CSMD1: variants seen among roughly 807,000 people sequenced by gnomAD.
CSMD1 encodes the protein CUB and sushi domain-containing protein 1.
A neutral mutation model predicts 417.5 loss-of-function variants in CSMD1; 213 were observed. The observed-to-expected ratio is 0.51, with a 90% CI of 0.46 to 0.57. CSMD1 has a LOEUF of 0.57. Among genes scored for constraint, CSMD1 ranks in the 20% least tolerant of loss-of-function variants. The pLI, the probability that CSMD1 is intolerant of heterozygous loss-of-function variation, is 0.00. For synonymous variants in CSMD1, 2,862 were observed against 1,736.8 expected (o/e 1.65, Z -16.11); for missense variants, 6,923 against 4,529.7 (o/e 1.53, Z -15.17).
chr8:4,908,613 C>CTT (rs34394703), intron 1 of CSMD1, among the ~76,000 whole-genome samples: 37,858 of 151,728 alleles, frequency 0.25, 5,271 homozygotes, highest in East Asian at 0.53. Flanking sequence ...AGTCAAGCTC[C>CTT]GAGTCTTTTC....
At position 4,031,942 on chromosome 8, in the gene CSMD1, A is replaced by G. The variant is rs752726419; in HGVS notation, c.573T>C (p.Asn191=). The G allele has an allele frequency of 1.5e-5, 25 of 1,613,866 alleles. No individual in the cohort carries two copies. The highest frequency in any genetic ancestry group is 2.0e-5 in the Non-Finnish European group (24 of 1,179,846). ...GAGCTGGGAAGTCCCACGATGCACCATTTCCTGGGCTGACGATGCAGGTCA... is the reference window on the plus strand; with the variant it reads ...GAGCTGGGAAGTCCCACGATGCACCGTTTCCTGGGCTGACGATGCAGGTCA... ...AILTCIVSPG[N]GASWDFPAPF... Residue 191 remains asparagine (N), a synonymous_variant, in exon 4 of 70, where the codon AAT becomes AAC. Coordinates refer to ENST00000635120, the MANE Select transcript of CSMD1 (RefSeq NM_033225.6).
chr8:4,692,965 G>A (rs1321817716), intron 1 of CSMD1, among the ~76,000 whole-genome samples: 2 of 152,280 alleles, frequency 1.3e-5, no homozygotes, highest in Admixed American at 6.5e-5. Flanking sequence ...GAGGTCACCT[G>A]CCTTATTTCT....
In CSMD1 at chr8:4,837,835, G is replaced by C. The variant is rs1333319249; in HGVS notation, c.85+156497C>G. ...CCCCATGATGCACTTATTTGATATA[G>C]CATGCCTATATCAAAACATTTCATG... On this transcript the variant is annotated intron_variant, in intron 1 of 69. Coordinates refer to ENST00000635120, the MANE Select transcript of CSMD1 (RefSeq NM_033225.6). Among the ~76,000 whole-genome samples the C allele has an allele frequency of 4.2e-4, 64 of 151,918 alleles. 1 individual carries two copies. The highest frequency in any genetic ancestry group is 1.5e-5 in the Non-Finnish European group (1 of 68,004).
chr8:3,772,356 TATATATAC>T (rs200877717), intron 5 of CSMD1, among the ~76,000 whole-genome samples: 961 of 87,152 alleles, frequency 0.011, 255 homozygotes, highest in African/African-American at 0.033. Flanking sequence ...TACATATATT[TATATATAC>T]ATATATACAT....
At chr8:4,154,008 C>T (rs76946142) in intron 3 of CSMD1, among the ~76,000 whole-genome samples, 1 of 152,148 alleles carries the variant, frequency 6.6e-6, no homozygotes, top group Non-Finnish European at 1.5e-5. Flanking sequence ...GCTTTCCATC[C>T]TCATTTTGCA....
intron 6 of CSMD1, among the ~76,000 whole-genome samples, chr8:3,752,089 C>T (rs1797370393): frequency 1.3e-5 from 2 of 152,082 alleles, no homozygotes; most frequent in South Asian, 4.2e-4. Flanking sequence ...CCTGGGTGTG[C>T]ACCCACCTCC....
At chr8:4,198,319 A>C (rs1037499418) in intron 3 of CSMD1, among the ~76,000 whole-genome samples, 1 of 152,240 alleles carries the variant, frequency 6.6e-6, no homozygotes, top group Non-Finnish European at 1.5e-5. Flanking sequence ...GGCAAGCCCG[A>C]CAAGAGTACG....
chr8:4,886,027 G>A (rs1803716924), intron 1 of CSMD1, among the ~76,000 whole-genome samples: 1 of 151,954 alleles, frequency 6.6e-6, no homozygotes, highest in South Asian at 2.1e-4. Context: ...GTCTCCCTCT[G>A]TTGTCCAGGC....
intron 3 of CSMD1, among the ~76,000 whole-genome samples, chr8:4,304,964 C>G (rs1798166039): frequency 6.6e-6 from 1 of 152,140 alleles, no homozygotes; most frequent in South Asian, 2.1e-4. Context: ...ATTTGCTACA[C>G]TAACGTCTGG....
chr8:2,977,306 T>C (rs1187130385), intron 55 of CSMD1, among the ~76,000 whole-genome samples: 1 of 152,174 alleles, frequency 6.6e-6, no homozygotes, highest in African/African-American at 2.4e-5. Flanking sequence ...GTCCTCTCCC[T>C]GTGTCTATGT....
chr8:4,592,526 A>G (rs1800043560), intron 2 of CSMD1, among the ~76,000 whole-genome samples: 1 of 151,878 alleles, frequency 6.6e-6, no homozygotes, highest in Non-Finnish European at 1.5e-5. Flanking sequence ...AGCTAGAACT[A>G]CAGGGGCCGG....
intron 3 of CSMD1, among the ~76,000 whole-genome samples, chr8:4,330,208 A>C (rs1799788868): frequency 6.6e-6 from 1 of 151,238 alleles, no homozygotes; most frequent in African/African-American, 2.4e-5. Flanking sequence ...TTTCTCCATA[A>C]CACCCGTCAG....
chr8:3,720,446 A>G (rs1418814998), intron 6 of CSMD1, among the ~76,000 whole-genome samples: 5 of 152,196 alleles, frequency 3.3e-5, no homozygotes, highest in Non-Finnish European at 7.3e-5. Flanking sequence ...AAGCACTTCA[A>G]CAGAATACAT....
At chr8:3,101,136 T>C (rs1313204788) in intron 46 of CSMD1, among the ~76,000 whole-genome samples, 1 of 151,568 alleles carries the variant, frequency 6.6e-6, no homozygotes, top group South Asian at 2.1e-4. Flanking sequence ...TGAAGAAACC[T>C]GACGTTGAAG....
intron 12 of CSMD1, among the ~76,000 whole-genome samples, chr8:3,448,843 C>G (rs779441581): frequency 2.6e-5 from 4 of 152,182 alleles, no homozygotes; most frequent in Admixed American, 6.5e-5. Flanking sequence ...ATAATTGTCT[C>G]CACTCTCCAC....
In CSMD1 at chr8:3,520,406, TCA is replaced by T. The variant is rs1278393728; in HGVS notation, c.1345-26682_1345-26681del. Among the ~76,000 whole-genome samples the T allele has an allele frequency of 7.9e-5, 12 of 152,266 alleles. No homozygotes were observed. In the South Asian group the frequency reaches 2.3e-3, roughly 29 times the overall value. On this transcript the variant is annotated intron_variant, in intron 10 of 69. Transcript: ENST00000635120. ...CACTTCAACCATAAAAAGTATATCA[TCA>T]CATACAGCTAAAAAAGCATATCTTA...
At chr8:3,594,621 A>G (rs575944401) in intron 8 of CSMD1, among the ~76,000 whole-genome samples, 1 of 152,178 alleles carries the variant, frequency 6.6e-6, no homozygotes, top group Admixed American at 6.5e-5. Flanking sequence ...AGTAGATACA[A>G]TGACTTAGGT....
chr8:3,725,254 G>C (rs527419513), intron 6 of CSMD1, among the ~76,000 whole-genome samples: 1 of 152,152 alleles, frequency 6.6e-6, no homozygotes, highest in Non-Finnish European at 1.5e-5. Context: ...TGTGGGTTGA[G>C]AGGTAACCAA....
intron 23 of CSMD1, among the ~76,000 whole-genome samples, chr8:3,333,130 G>C (rs1418156322): frequency 1.3e-5 from 2 of 152,144 alleles, no homozygotes; most frequent in Non-Finnish European, 1.5e-5. Context: ...TCTGACCACT[G>C]TGACGACCTG....
Sources: gnomAD v4.1 joint callset for allele counts (sites outside exome capture counted in the v4.1 genomes callset) on GRCh38, gnomAD v4.1.1 for gene constraint, MANE v1.5 for transcripts, NCBI Gene and HGNC (gene_info 2026-07-23, HGNC 2026-07-21) for gene names.